Variants in PROM1 observed in about 807,000 individuals in gnomAD.
PROM1 encodes the protein prominin 1.
A neutral mutation model predicts 116.9 loss-of-function variants in PROM1; 105 were observed. The ratio of observed to expected loss-of-function variants is 0.90; its 90% CI spans 0.77 to 1.06. The LOEUF (loss-of-function observed/expected upper bound fraction) is 1.06. Among genes scored for constraint, PROM1 ranks in the 50% least tolerant of loss-of-function variants. PROM1 has a pLI of 0.00. For missense variants in PROM1, 1,122 were observed against 1,045.2 expected, an observed-to-expected ratio of 1.07 and a Z score of -1.01; for synonymous variants, 393 against 387.0, an observed-to-expected ratio of 1.02 and a Z score of -0.18.
In PROM1 at chr4:16,033,413, G is replaced by C; in HGVS notation, c.400C>G (p.Arg134Gly). 1.9e-6 allele frequency: 3 copies of C among 1,613,576 alleles called. No homozygotes were observed. Among genetic ancestry groups the C allele is most frequent in the Non-Finnish European group, 2.5e-6 (3 of 1,179,762 alleles). The change falls in exon 5 of 28, where the codon CGT (arginine) becomes GGT (glycine). Residue 134 changes from arginine (R) to glycine (G), a missense_variant. Physicochemically the swap from Arg to Gly is moderately radical, Grantham distance 125. Transcript: ENST00000447510. ...TCTCCACCACATTTGTTACAGCAAC[G>C]ACACATACAAAAGAAATACCCCACC... is the stretch of plus-strand genomic sequence containing the variant. ...PLVGYFFCMCRCCNKCGGEMH... is the reference protein window; with the variant it reads ...PLVGYFFCMCGCCNKCGGEMH...
intron 2 of PROM1, among the ~76,000 whole-genome samples, chr4:16,057,411 T>C (rs1392067843): frequency 6.6e-6 from 1 of 152,238 alleles, no homozygotes; most frequent in African/African-American, 2.4e-5. Context: ...ATTGAAACAT[T>C]TCAAATCATA....
chr4:15,989,714 T>C lies in PROM1; in HGVS notation c.2076+18A>G, dbSNP rs1284460151. On this transcript the variant is annotated intron_variant, in intron 19 of 27. Transcript: ENST00000447510. Reference sequence around the variant, plus strand: ...TTGCTCAGGTCACAGTGAAATACAATACGTCGTTGACTGTTACCAGTGATT... The same window carrying C: ...TTGCTCAGGTCACAGTGAAATACAACACGTCGTTGACTGTTACCAGTGATT... 2 of 1,564,436 alleles carry C rather than the reference T, an allele frequency of 1.3e-6. No individual in the cohort carries two copies. Among genetic ancestry groups the C allele is most frequent in the Admixed American group, 1.8e-5 (1 of 56,178 alleles).
At chr4:16,045,025 T>C (rs1406742762) in intron 2 of PROM1, among the ~76,000 whole-genome samples, 1 of 152,092 alleles carries the variant, frequency 6.6e-6, no homozygotes, top group Non-Finnish European at 1.5e-5. Context: ...CTACAGATGC[T>C]AAGAGACATG....
intron 18 of PROM1, among the ~76,000 whole-genome samples, chr4:15,990,931 C>T (rs1225647480): frequency 6.6e-6 from 1 of 152,364 alleles, no homozygotes; most frequent in East Asian, 1.9e-4. Flanking sequence ...TGGGGTAGCC[C>T]CCCTCCAGAA....
At chr4:16,049,151 C>T (rs1737258149) in intron 2 of PROM1, among the ~76,000 whole-genome samples, 1 of 152,258 alleles carries the variant, frequency 6.6e-6, no homozygotes, top group Non-Finnish European at 1.5e-5. Flanking sequence ...GACGGCATTT[C>T]TTTCCCTAAG....
chr4:16,007,147 T>C (rs931233510), intron 12 of PROM1, among the ~76,000 whole-genome samples: 1 of 152,258 alleles, frequency 6.6e-6, no homozygotes, highest in African/African-American at 2.4e-5. Context: ...CTGGATTCTT[T>C]TCCCTGGGCC....
At position 16,005,956 on chromosome 4, in the gene PROM1, G is replaced by C. The variant is rs75498087; in HGVS notation, c.1454+582C>G. 7.6e-3 allele frequency among the ~76,000 whole-genome samples: 1,153 copies of C among 152,326 alleles called. 18 individuals are homozygous for C. The highest frequency in any genetic ancestry group is 0.026 in the African/African-American group (1,089 of 41,560). ...CAAAGACACTAACTTGGAGGTCAAT[G>C]TCTTTGAAGCAGGGACAGTCGCTCC... On this transcript the variant is annotated intron_variant, in intron 13 of 27. Transcript: ENST00000447510.
chr4:15,994,309 A>G (rs982119968), intron 15 of PROM1, among the ~76,000 whole-genome samples: 1 of 152,242 alleles, frequency 6.6e-6, no homozygotes, highest in Non-Finnish European at 1.5e-5. Flanking sequence ...TGATGAATAT[A>G]TCTTTCCATC....
At chr4:15,982,641 G>A (rs1718260386) in intron 23 of PROM1, among the ~76,000 whole-genome samples, 1 of 152,178 alleles carries the variant, frequency 6.6e-6, no homozygotes, top group African/African-American at 2.4e-5. Context: ...TCTGTGGAAA[G>A]GCATCTGGTG....
intron 13 of PROM1, among the ~76,000 whole-genome samples, chr4:16,003,927 A>G (rs923056331): frequency 1.3e-5 from 2 of 152,224 alleles, no homozygotes; most frequent in African/African-American, 4.8e-5. Context: ...TGGTTTTGAA[A>G]GAGACCATGC....
At chr4:16,078,565 T>C (rs1047601292) in intron 1 of PROM1, among the ~76,000 whole-genome samples, 3 of 152,236 alleles carry the variant, frequency 2.0e-5, no homozygotes, top group African/African-American at 4.8e-5. Context: ...TGTACCACTC[T>C]TCCTCTCTGT....
chr4:15,987,693 C>G lies in PROM1; in HGVS notation c.2100G>C (p.Lys700Asn). 1 of 1,611,480 alleles carries G rather than the reference C, an allele frequency of 6.2e-7. No individual in the cohort carries two copies. The highest frequency in any genetic ancestry group is 8.5e-7 in the Non-Finnish European group (1 of 1,179,204). The change falls in exon 20 of 28, where the codon AAG (lysine) becomes AAC (asparagine). Residue 700 changes from lysine (K) to asparagine (N), a missense_variant. Coordinates refer to ENST00000447510, the MANE Select transcript of PROM1 (RefSeq NM_006017.3). Reference protein sequence around the residue: ...QSLSTLYQSVKILQRTGNGLL... With the variant: ...QSLSTLYQSVNILQRTGNGLL... The stretch of plus-strand genomic sequence containing the variant: ...ATCCATTCCCTGTGCGTTGAAGTAT[C>G]TTGACGCTTTGGTATAGAGTGCTCT...
chr4:16,030,424 G>A (rs531814210), intron 5 of PROM1, among the ~76,000 whole-genome samples: 1 of 151,906 alleles, frequency 6.6e-6, no homozygotes, highest in African/African-American at 2.4e-5. Context: ...GTTTTACTTG[G>A]GTGGGGAAAA....
intron 10 of PROM1, 94 bp from the exon 11 acceptor site, chr4:16,013,432 C>G (rs891473287): frequency 2.5e-6 from 2 of 807,942 alleles, no homozygotes; most frequent in Admixed American, 3.7e-5. Context: ...AGTAGAGAGG[C>G]AAAATAAAAA....
chr4:16,040,103 T>C (rs1370470589), intron 2 of PROM1, among the ~76,000 whole-genome samples: 1 of 152,200 alleles, frequency 6.6e-6, no homozygotes, highest in Non-Finnish European at 1.5e-5. Context: ...TGAAATGTAC[T>C]AATGGGGGGG....
intron 22 of PROM1, among the ~76,000 whole-genome samples, chr4:15,984,799 T>C (rs1286320971): frequency 1.3e-5 from 2 of 152,236 alleles, no homozygotes; most frequent in African/African-American, 2.4e-5. Context: ...CTGTGGTGAA[T>C]TGCATAATTA....
chr4:16,060,237 C>T (rs143257542), intron 2 of PROM1, among the ~76,000 whole-genome samples: 5 of 152,022 alleles, frequency 3.3e-5, no homozygotes, highest in Admixed American at 2.0e-4. Context: ...TAAAGAGAAA[C>T]GCATGACTAG....
intron 2 of PROM1, among the ~76,000 whole-genome samples, chr4:16,045,539 T>C (rs1365947528): frequency 1.3e-5 from 2 of 152,154 alleles, no homozygotes; most frequent in Non-Finnish European, 2.9e-5. Context: ...CAACACACCT[T>C]ACCGAATTAA....
At chr4:16,080,482 A>C (rs1275046344) in intron 1 of PROM1, 1 of 152,156 alleles carries the variant, frequency 6.6e-6, no homozygotes, top group Non-Finnish European at 1.5e-5. Context: ...AGATCATGCC[A>C]CTGCACTCCA....
Sources: allele counts gnomAD v4.1 joint callset (sites outside exome capture counted in the v4.1 genomes callset), GRCh38; gene constraint gnomAD v4.1.1; transcripts MANE v1.5; gene names NCBI Gene and HGNC (gene_info 2026-07-23, HGNC 2026-07-21).